POU6F2: variants seen among roughly 807,000 people sequenced by gnomAD.
The protein encoded by POU6F2 is POU class 6 homeobox 2, also known as POU domain, class 6, transcription factor 2.
In POU6F2, 31 loss-of-function variants were observed where a neutral mutation model predicts 71.3. The observed-to-expected ratio is 0.43, with a 90% confidence interval of 0.33 to 0.59. The LOEUF is 0.59. Among genes scored for constraint, POU6F2 ranks in the 20% least tolerant of loss-of-function variants. The pLI, the probability that POU6F2 is intolerant of heterozygous loss-of-function variation, is 0.04. For missense variants in POU6F2, 783 were observed against 856.8 expected (o/e 0.91, Z 1.07); for synonymous variants, 347 against 355.7 (o/e 0.98, Z 0.27).
Position 39,401,557 on chromosome 7 carries a change from AGTACT to A in POU6F2, c.973-5041_973-5037del, listed in dbSNP as rs1247899926. On this transcript the variant is annotated intron_variant, in intron 5 of 9. Coordinates refer to ENST00000518318, the MANE Select transcript of POU6F2 (RefSeq NM_001370959.1). ...AGAAGACTTGAGGGTAAGATGTGGA[AGTACT>A]GATTTGGTTAGAAGAATCCCAAGGA... 3.9e-5 allele frequency among the ~76,000 whole-genome samples: 6 copies of A among 152,210 alleles called. No homozygotes were observed. The South Asian group carries it at 1.2e-3, about 32-fold the overall frequency.
chr7:39,125,466 T>A (rs1467008222), intron 2 of POU6F2, among the ~76,000 whole-genome samples: 1 of 152,216 alleles, frequency 6.6e-6, no homozygotes, highest in Non-Finnish European at 1.5e-5. Context: ...TCCTTCTGCC[T>A]GATTCGCTGC....
chr7:39,293,272 T>C (rs555969140), intron 4 of POU6F2, among the ~76,000 whole-genome samples: 1 of 152,136 alleles, frequency 6.6e-6, no homozygotes, highest in Non-Finnish European at 1.5e-5. Context: ...ACAAGCTGTT[T>C]ATGAGGTGTT....
At chr7:39,229,591 C>G (rs1248569073) in intron 4 of POU6F2, among the ~76,000 whole-genome samples, 1 of 152,218 alleles carries the variant, frequency 6.6e-6, no homozygotes, top group Non-Finnish European at 1.5e-5. Context: ...TCCTCCCCCT[C>G]ATACCCTTAT....
chr7:39,352,431 C>G (rs1257909170), intron 5 of POU6F2, among the ~76,000 whole-genome samples: 1 of 152,152 alleles, frequency 6.6e-6, no homozygotes, highest in Non-Finnish European at 1.5e-5. Flanking sequence ...CTTCAACACT[C>G]TTTTTCGAGA....
At chr7:39,181,367 T>C (rs1166588206) in intron 2 of POU6F2, among the ~76,000 whole-genome samples, 1 of 152,170 alleles carries the variant, frequency 6.6e-6, no homozygotes, top group Non-Finnish European at 1.5e-5. Flanking sequence ...TGTGGATACG[T>C]ACTCTCATTT....
At chr7:38,992,115 G>A (rs1019297218) in intron 1 of POU6F2, among the ~76,000 whole-genome samples, 2 of 152,056 alleles carry the variant, frequency 1.3e-5, no homozygotes, top group African/African-American at 4.8e-5. Flanking sequence ...GGCCTGTAGC[G>A]GGAGCTCAGT....
In POU6F2 at chr7:39,159,127, G is replaced by A. The variant is rs546168892; in HGVS notation, c.278-45108G>A. 1.7e-3 allele frequency among the ~76,000 whole-genome samples: 258 copies of A among 152,100 alleles called. 1 individual carries two copies. The highest frequency in any genetic ancestry group is 5.8e-3 in the African/African-American group (240 of 41,476). ...TGGGAGGCGGAGGTTGTAGTGAGCC[G>A]AGATGGTGCCACTTCACTCCAGCCT... On this transcript the variant is annotated intron_variant, in intron 2 of 9. Coordinates refer to ENST00000518318, the MANE Select transcript of POU6F2 (RefSeq NM_001370959.1).
At chr7:39,046,191 G>A (rs1026137916) in intron 1 of POU6F2, among the ~76,000 whole-genome samples, 10 of 151,638 alleles carry the variant, frequency 6.6e-5, no homozygotes, top group Non-Finnish European at 1.2e-4. Flanking sequence ...TTTAATTTGC[G>A]TTTCTCAAAT....
chr7:39,249,303 A>G (rs1484436951), intron 4 of POU6F2, among the ~76,000 whole-genome samples: 1 of 152,164 alleles, frequency 6.6e-6, no homozygotes, highest in Non-Finnish European at 1.5e-5. Flanking sequence ...CACTTAACAG[A>G]TGCTATTAGC....
intron 4 of POU6F2, among the ~76,000 whole-genome samples, chr7:39,209,886 G>A: frequency 6.6e-6 from 1 of 152,178 alleles, no homozygotes; most frequent in East Asian, 1.9e-4. Flanking sequence ...CAGGGGTTCT[G>A]AGACTGAGCT....
chr7:38,987,798 T>C (rs1362345954), intron 1 of POU6F2, among the ~76,000 whole-genome samples: 3 of 152,104 alleles, frequency 2.0e-5, no homozygotes, highest in African/African-American at 7.2e-5. Context: ...GACAGTAACG[T>C]AGGTGGTAAT....
intron 1 of POU6F2, among the ~76,000 whole-genome samples, chr7:39,036,723 A>C (rs1487007067): frequency 6.6e-6 from 1 of 151,962 alleles, no homozygotes; most frequent in Admixed American, 6.6e-5. Context: ...CAAATGGAAA[A>C]ATACATTTTA....
At chr7:39,028,919 C>G (rs771777184) in intron 1 of POU6F2, among the ~76,000 whole-genome samples, 2 of 152,124 alleles carry the variant, frequency 1.3e-5, no homozygotes. Context: ...ATCCTCCCAC[C>G]TCAGCCTCCT....
At chr7:39,009,096 C>T (rs1259941375) in intron 1 of POU6F2, among the ~76,000 whole-genome samples, 1 of 151,558 alleles carries the variant, frequency 6.6e-6, no homozygotes, top group Non-Finnish European at 1.5e-5. Flanking sequence ...GGCATTGAAT[C>T]TGTAAATTAC....
intron 1 of POU6F2, among the ~76,000 whole-genome samples, chr7:39,002,666 A>G (rs1788947667): frequency 6.6e-6 from 1 of 152,226 alleles, no homozygotes; most frequent in Non-Finnish European, 1.5e-5. Context: ...CAAAGTATTA[A>G]GGAGAAAAAT....
At chr7:39,031,158 C>A (rs988945969) in intron 1 of POU6F2, among the ~76,000 whole-genome samples, 101 of 152,122 alleles carry the variant, frequency 6.6e-4, no homozygotes, top group Non-Finnish European at 1.1e-3. Context: ...CTCGGCCTCC[C>A]AAAGTGCTGG....
chr7:39,207,316 G>A (rs2128745886), intron 3 of POU6F2, 76 bp from the exon 4 acceptor site: 1 of 1,394,270 alleles, frequency 7.2e-7, no homozygotes, highest in South Asian at 1.4e-5. Context: ...CCCTACTTAA[G>A]TGGAAAGAAG....
chr7:39,240,249 T>A lies in POU6F2; in HGVS notation c.598+32629T>A, dbSNP rs368497838. ...AAATCGGGACAAGGAAAGGAAAAAT[T>A]AAGGGAGAAGCAAGTCACATAAATG... On this transcript the variant is annotated intron_variant, in intron 4 of 9. Coordinates refer to ENST00000518318, the MANE Select transcript of POU6F2 (RefSeq NM_001370959.1). 2.3e-3 allele frequency among the ~76,000 whole-genome samples: 350 copies of A among 152,184 alleles called. 4 individuals are homozygous for A. The highest frequency in any genetic ancestry group is 8.1e-3 in the African/African-American group (336 of 41,528).
chr7:39,152,143 A>G (rs1479760035), intron 2 of POU6F2, among the ~76,000 whole-genome samples: 1 of 152,162 alleles, frequency 6.6e-6, no homozygotes, highest in African/African-American at 2.4e-5. Flanking sequence ...ACTGGAGTCC[A>G]AAAGTATCAT....
Sources: gnomAD v4.1 joint callset for allele counts (sites outside exome capture counted in the v4.1 genomes callset) on GRCh38, gnomAD v4.1.1 for gene constraint, MANE v1.5 for transcripts, NCBI Gene and HGNC (gene_info 2026-07-23, HGNC 2026-07-21) for gene names.